Variants in MAMDC2 observed in about 807,000 individuals in gnomAD.
MAMDC2 encodes MAM domain-containing protein 2.
Under a neutral mutation model 89.8 loss-of-function variants are expected in MAMDC2, and 57 were observed. That is an observed-to-expected ratio of 0.63 (90% confidence interval 0.51 to 0.79). The LOEUF (loss-of-function observed/expected upper bound fraction) is 0.79, where lower values mean the gene tolerates loss of function less well. Ranked by LOEUF, MAMDC2 falls within the 30% of genes least tolerant of loss-of-function variation. The probability of loss-of-function intolerance (pLI) is 0.00; values close to 1 mark genes in which losing one functional copy is unlikely to be tolerated. For missense variants in MAMDC2, 800 were observed against 820.6 expected, an observed-to-expected ratio of 0.97 and a Z score of 0.31; for synonymous variants, 313 against 293.4, an observed-to-expected ratio of 1.07 and a Z score of -0.68.
intron 5 of MAMDC2, among the ~76,000 whole-genome samples, chr9:70,123,864 C>T (rs1217684977): frequency 1.3e-5 from 2 of 152,224 alleles, no homozygotes; most frequent in East Asian, 3.9e-4. Flanking sequence ...AAATCCTTCC[C>T]TCACGGCCCT....
chr9:70,168,840 A>G (rs1216431312), intron 10 of MAMDC2, 45 bp downstream of exon 10: 1 of 1,446,816 alleles, frequency 6.9e-7, no homozygotes, highest in Non-Finnish European at 9.7e-7. Context: ...TGACCTATAC[A>G]TACATTTCCT....
At chr9:70,063,901 C>T (rs1480815111) in intron 2 of MAMDC2, among the ~76,000 whole-genome samples, 1 of 152,052 alleles carries the variant, frequency 6.6e-6, no homozygotes, top group Non-Finnish European at 1.5e-5. Flanking sequence ...GGCTTCATTC[C>T]AAAGCCTGTT....
At chr9:70,186,200 A>G (rs578010368) in intron 11 of MAMDC2, among the ~76,000 whole-genome samples, 4 of 152,132 alleles carry the variant, frequency 2.6e-5, no homozygotes, top group African/African-American at 9.6e-5. Flanking sequence ...TTCCCCATTC[A>G]TCTTCATTCC....
intron 2 of MAMDC2, among the ~76,000 whole-genome samples, chr9:70,049,586 T>C (rs1363537707): frequency 6.6e-6 from 1 of 152,198 alleles, no homozygotes; most frequent in Non-Finnish European, 1.5e-5. Flanking sequence ...CTCATCTGCA[T>C]GGGGCTACTT....
chr9:70,188,762 ATTTTTTTT>A (rs10701601), intron 11 of MAMDC2: 1 of 95,148 alleles, frequency 1.1e-5, no homozygotes, highest in African/African-American at 4.3e-5. Flanking sequence ...AAAACAATTG[ATTTTTTTT>A]TTTTTTTTTT....
At chr9:70,111,953 G>T (rs1447358353) in intron 4 of MAMDC2, among the ~76,000 whole-genome samples, 3 of 152,178 alleles carry the variant, frequency 2.0e-5, no homozygotes, top group Non-Finnish European at 2.9e-5. Context: ...GTCAAACAAG[G>T]GCTGCTTGAC....
intron 2 of MAMDC2, among the ~76,000 whole-genome samples, chr9:70,075,959 G>A (rs1169109934): frequency 6.6e-6 from 1 of 152,224 alleles, no homozygotes. Context: ...CCCTGGACAT[G>A]CAGGCAAGAG....
At chr9:70,197,206 T>C (rs1475182249) in intron 11 of MAMDC2, among the ~76,000 whole-genome samples, 1 of 152,110 alleles carries the variant, frequency 6.6e-6, no homozygotes, top group African/African-American at 2.4e-5. Flanking sequence ...CTGGAAATCA[T>C]TCACTATTAC....
intron 11 of MAMDC2, among the ~76,000 whole-genome samples, chr9:70,184,550 T>G (rs1481794504): frequency 6.6e-6 from 1 of 152,142 alleles, no homozygotes; most frequent in Non-Finnish European, 1.5e-5. Flanking sequence ...TTTCACATAG[T>G]CCCATATTTC....
At chr9:70,097,239 G>T (rs1177671012) in intron 2 of MAMDC2, among the ~76,000 whole-genome samples, 1 of 152,180 alleles carries the variant, frequency 6.6e-6, no homozygotes, top group African/African-American at 2.4e-5. Flanking sequence ...GTTCTCTGGA[G>T]GTTCTGTAGT....
chr9:70,169,459 A>T (rs1349206613), intron 10 of MAMDC2, among the ~76,000 whole-genome samples: 2 of 152,204 alleles, frequency 1.3e-5, no homozygotes, highest in Non-Finnish European at 1.5e-5. Context: ...GGTGCTGGAG[A>T]ATAATCTCCA....
At chr9:70,225,723 C>T in intron 12 of MAMDC2, 27 bp from the exon 13 acceptor site, 1 of 1,431,644 alleles carries the variant, frequency 7.0e-7, no homozygotes, top group Non-Finnish European at 9.9e-7. Context: ...GATTCTATTT[C>T]TAAATTCAAA....
intron 11 of MAMDC2, among the ~76,000 whole-genome samples, chr9:70,173,850 T>C (rs1422410375): frequency 6.6e-6 from 1 of 152,188 alleles, no homozygotes; most frequent in Non-Finnish European, 1.5e-5. Context: ...AGGTTTCCCA[T>C]TCACTAAGTA....
intron 2 of MAMDC2, among the ~76,000 whole-genome samples, chr9:70,049,455 T>C (rs1246516863): frequency 6.6e-6 from 1 of 152,096 alleles, no homozygotes; most frequent in African/African-American, 2.4e-5. Context: ...GGATCCCAGG[T>C]TCCTGGGAGA....
chr9:70,187,323 C>G (rs2032779150), intron 11 of MAMDC2, among the ~76,000 whole-genome samples: 1 of 151,758 alleles, frequency 6.6e-6, no homozygotes, highest in Non-Finnish European at 1.5e-5. Context: ...TTTCTCTTGG[C>G]CAATTAAAAA....
intron 2 of MAMDC2, chr9:70,086,427 T>C (rs994540044): frequency 6.6e-6 from 1 of 152,146 alleles, no homozygotes; most frequent in Non-Finnish European, 1.5e-5. Context: ...TTTTCTACAC[T>C]GTCTTGAGGA....
intron 11 of MAMDC2, among the ~76,000 whole-genome samples, chr9:70,190,186 T>C (rs969015491): frequency 6.6e-6 from 1 of 152,176 alleles, no homozygotes; most frequent in Non-Finnish European, 1.5e-5. Flanking sequence ...AAACTGGACG[T>C]TTTGAATAAT....
At chr9:70,077,376 G>A (rs748027870) in intron 2 of MAMDC2, among the ~76,000 whole-genome samples, 3 of 152,190 alleles carry the variant, frequency 2.0e-5, no homozygotes, top group Admixed American at 6.5e-5. Context: ...CTGGACCAGC[G>A]ATGTCCAATA....
At chr9:70,064,233 TG>T (rs964603487) in intron 2 of MAMDC2, among the ~76,000 whole-genome samples, 1 of 152,098 alleles carries the variant, frequency 6.6e-6, no homozygotes, top group African/African-American at 2.4e-5. Context: ...GTAGGTTCTT[TG>T]GTGGTGATTT....
Sources: gnomAD v4.1 joint callset for allele counts (sites outside exome capture counted in the v4.1 genomes callset) on GRCh38, gnomAD v4.1.1 for gene constraint, MANE v1.5 for transcripts, NCBI Gene and HGNC (gene_info 2026-07-23, HGNC 2026-07-21) for gene names.